The following SYNE2 variants were observed in gnomAD, a reference collection of about 807,000 sequenced individuals.
SYNE2 encodes the protein spectrin repeat containing nuclear envelope protein 2.
SYNE2 carries 431 observed loss-of-function variants against 856.3 expected under a neutral mutation model. The ratio of observed to expected loss-of-function variants is 0.50; its 90% confidence interval spans 0.47 to 0.55. The LOEUF (loss-of-function observed/expected upper bound fraction) is 0.55. Ranked by LOEUF, SYNE2 falls within the 20% of genes least tolerant of loss-of-function variation. The pLI is 0.00. For synonymous variants in SYNE2, 2,923 were observed against 2,872.3 expected (o/e 1.02, Z -0.56); for missense variants, 8,129 against 8,023.2 (o/e 1.01, Z -0.50).
chr14:64,098,695 GT>G (rs2097696905), intron 62 of SYNE2, 51 bp from the exon 63 acceptor site: 1 of 1,585,184 alleles, frequency 6.3e-7, no homozygotes, highest in African/African-American at 1.3e-5. Context: ...TGGGATCTTG[GT>G]GATGTTGACT....
intron 76 of SYNE2, 110 bp from the exon 77 acceptor site, chr14:64,132,155 T>C: frequency 7.6e-7 from 1 of 1,318,214 alleles, no homozygotes; most frequent in Non-Finnish European, 1.1e-6. Flanking sequence ...ACGGATGTCC[T>C]GGGATTTTGG....
chr14:63,860,014 G>A (rs67975797), intron 1 of SYNE2, among the ~76,000 whole-genome samples: 67,857 of 137,168 alleles, frequency 0.49, 16,722 homozygotes, highest in South Asian at 0.6. Context: ...CTGTCTGTCT[G>A]TCTAGCTTTG....
At chr14:63,798,025 T>G (rs1566572587) in intron 1 of SYNE2, among the ~76,000 whole-genome samples, 2 of 152,208 alleles carry the variant, frequency 1.3e-5, no homozygotes. Context: ...TTTTATTTGA[T>G]CTAGGTTAGC....
intron 57 of SYNE2, among the ~76,000 whole-genome samples, chr14:64,083,351 A>G (rs2097537832): frequency 6.6e-6 from 1 of 151,494 alleles, no homozygotes; most frequent in Non-Finnish European, 1.5e-5. Context: ...CTTTACCAAG[A>G]CAAGAGAGAG....
intron 61 of SYNE2, among the ~76,000 whole-genome samples, chr14:64,094,405 A>G (rs369633050): frequency 3.3e-5 from 5 of 152,216 alleles, no homozygotes; most frequent in African/African-American, 9.6e-5. Flanking sequence ...TTGCATGTTA[A>G]CCATCTGTTG....
rs781068626 is a variant in SYNE2 at position 64,051,801 on chromosome 14, A to G, written c.7888A>G (p.Thr2630Ala). Reference protein sequence around the residue: ...QQVVEYDEFTTLMNKVQDTEI... With the variant: ...QQVVEYDEFTALMNKVQDTEI... ...GGTAGTGGAATATGATGAATTTACA[A>G]CCCTCATGAATAAGGTACAGGACAC... is the stretch of plus-strand genomic sequence containing the variant. The change falls in exon 48 of 116, where the codon ACC becomes GCC. Residue 2630 changes from threonine to alanine, a missense_variant. By Grantham distance (58) the Thr-to-Ala change is moderately conservative. Transcript: ENST00000555002. 1.2e-6 allele frequency: 2 copies of G among 1,614,162 alleles called. No homozygotes were observed. The highest frequency in any genetic ancestry group is 1.7e-6 in the Non-Finnish European group (2 of 1,180,038).
upstream of SYNE2, among the ~76,000 whole-genome samples, chr14:63,848,056 T>C (rs1487141606): frequency 6.6e-6 from 1 of 152,050 alleles, no homozygotes; most frequent in Non-Finnish European, 1.5e-5. Flanking sequence ...CTGGCTAATT[T>C]TCATATTTTT....
chr14:63,811,178 T>C (rs1444462345), intron 1 of SYNE2, among the ~76,000 whole-genome samples: 2 of 152,132 alleles, frequency 1.3e-5, no homozygotes, highest in African/African-American at 2.4e-5. Flanking sequence ...CTTATTTGCA[T>C]GAGTTTAATA....
rs758867475 is a variant in SYNE2, at chr14:64,003,136, C to G, written c.4203C>G (p.Asn1401Lys). 2 of 1,614,128 alleles carry G rather than the reference C, an allele frequency of 1.2e-6. No homozygotes were observed. Among genetic ancestry groups the G allele is most frequent in the East Asian group, 2.2e-5 (1 of 44,888 alleles). ...GGGGTGATGACACCTCCTGTGAAAA[C>G]CTGCTTGATGCTTTTTCAATAAAGT... Reference protein sequence around the residue: ...AERGDDTSCENLLDAFSIKLS... With the variant: ...AERGDDTSCEKLLDAFSIKLS... The change falls in exon 30 of 116, where the codon AAC becomes AAG. Residue 1401 changes from asparagine to lysine, a missense_variant. Physicochemically the swap from Asn to Lys is moderately conservative, Grantham distance 94. Transcript: ENST00000555002.
At chr14:64,022,894 A>T in intron 38 of SYNE2, 31 bp downstream of exon 38, 6 of 1,203,088 alleles carry the variant, frequency 5.0e-6, no homozygotes, top group Non-Finnish European at 7.3e-6. Context: ...TTTAATAAAA[A>T]TTTTCAATAC....
chr14:63,912,438 C>T (rs1215738847), intron 2 of SYNE2, among the ~76,000 whole-genome samples: 4 of 152,122 alleles, frequency 2.6e-5, no homozygotes, highest in African/African-American at 4.8e-5. Flanking sequence ...GCATTGTACA[C>T]ACAGCAAGCA....
At chr14:63,859,424 G>A (rs1256135128) in intron 1 of SYNE2, among the ~76,000 whole-genome samples, 2 of 152,008 alleles carry the variant, frequency 1.3e-5, no homozygotes, top group African/African-American at 4.8e-5. Context: ...CTTCTTTTCT[G>A]ATATAGGTGT....
rs538727654 is a variant in SYNE2 at position 64,021,446 on chromosome 14, C to T, written c.5283C>T (p.Ile1761=). The T allele has an allele frequency of 1.3e-5, 21 of 1,614,162 alleles. 1 individual carries two copies. The highest frequency in any genetic ancestry group is 5.3e-5 in the African/African-American group (4 of 75,038). Residue 1761 remains isoleucine (I), a synonymous_variant, in exon 36 of 116, where the codon ATC becomes ATT. Coordinates refer to ENST00000555002, the MANE Select transcript of SYNE2 (RefSeq NM_182914.3). ...REDLDQAKTQ[I]GMTESLLKAL... ...ATCTCGACCAAGCCAAGACCCAGAT[C>T]GGGATGACTGAATCCCTCTTAAAAG...
intron 1 of SYNE2, among the ~76,000 whole-genome samples, chr14:63,857,180 C>T (rs1267791449): frequency 6.6e-6 from 1 of 152,190 alleles, no homozygotes; most frequent in Non-Finnish European, 1.5e-5. Flanking sequence ...TGATAGCTTT[C>T]TGTCTCTGTG....
chr14:64,070,920 A>C lies in SYNE2; in HGVS notation c.10697+10A>C, dbSNP rs2097400853. 1 of 1,613,954 alleles carries C rather than the reference A, an allele frequency of 6.2e-7. No homozygotes were observed. The highest frequency in any genetic ancestry group is 8.5e-7 in the Non-Finnish European group (1 of 1,179,932). On this transcript the variant is annotated intron_variant, in intron 52 of 115. Coordinates refer to ENST00000555002, the MANE Select transcript of SYNE2 (RefSeq NM_182914.3). ...AAGAACGATGCAACAAGTAAGATTT[A>C]TGAAAAACTATTAAGGACGTGTGCT... is the stretch of plus-strand genomic sequence containing the variant.
At chr14:63,954,072 C>T (rs1309685583) in intron 7 of SYNE2, among the ~76,000 whole-genome samples, 1 of 152,154 alleles carries the variant, frequency 6.6e-6, no homozygotes, top group East Asian at 1.9e-4. Context: ...TGCCAACGTC[C>T]CCAGCCAGAA....
At chr14:63,899,676 A>AT (rs954396524) in intron 1 of SYNE2, among the ~76,000 whole-genome samples, 2 of 151,880 alleles carry the variant, frequency 1.3e-5, no homozygotes, top group African/African-American at 2.4e-5. Context: ...TAATTTTTGT[A>AT]TTTTTTGTAA....
intron 68 of SYNE2, 96 bp from the exon 69 acceptor site, chr14:64,121,916 C>T: frequency 6.6e-7 from 1 of 1,509,924 alleles, no homozygotes; most frequent in Non-Finnish European, 9.1e-7. Flanking sequence ...GATTTAGGAA[C>T]TGGCTCAAAA....
chr14:64,059,603 T>C (rs10146667), intron 49 of SYNE2, among the ~76,000 whole-genome samples: 138,487 of 152,306 alleles, frequency 0.91, 63,081 homozygotes, highest in Non-Finnish European at 0.94. Context: ...ACAGAGAGTG[T>C]ACTGAATCAG....
Sources: gnomAD v4.1 joint callset for allele counts (sites outside exome capture counted in the v4.1 genomes callset) on GRCh38, gnomAD v4.1.1 for gene constraint, MANE v1.5 for transcripts, NCBI Gene and HGNC (gene_info 2026-07-23, HGNC 2026-07-21) for gene names.